The following CCDC9 variants were observed in gnomAD, a reference collection of about 807,000 sequenced individuals.
CCDC9 encodes coiled-coil domain containing 9.
A neutral mutation model predicts 65.6 loss-of-function variants in CCDC9; 52 were observed. That is an observed-to-expected ratio of 0.79 (90% CI 0.63 to 1.00). The LOEUF (loss-of-function observed/expected upper bound fraction) is 1.00. Among genes scored for constraint, CCDC9 ranks in the 50% least tolerant of loss-of-function variants. The pLI is 0.00. For missense variants in CCDC9, 834 were observed against 757.2 expected (o/e 1.10, Z -1.19); for synonymous variants, 332 against 280.3 (o/e 1.18, Z -1.84).
downstream of CCDC9, chr19:47,273,974 G>A (rs2059140706): frequency 2.0e-6 from 2 of 984,994 alleles, no homozygotes; most frequent in Non-Finnish European, 2.4e-6. Context: ...AGGCCTCCCC[G>A]AATTCCTGAA....
In CCDC9 at chr19:47,266,626, C is replaced by T. The variant is rs1349160226; in HGVS notation, c.736C>T (p.Leu246=). The T allele has an allele frequency of 8.3e-6, 13 of 1,562,738 alleles. No individual in the cohort carries two copies. The highest frequency in any genetic ancestry group is 9.5e-6 in the Non-Finnish European group (11 of 1,151,872). The change falls in exon 8 of 12, where the codon CTG becomes TTG. Residue 246 remains leucine (L), a synonymous_variant. Transcript: ENST00000221922. ...EHERQGRRAG[L]GSAGDMTLSM... ...TGGGGGGCAGGGCCGCCGAGCTGGC[C>T]TGGGCAGTGCTGGAGACATGACGTT... is the stretch of plus-strand genomic sequence containing the variant.
intron 10 of CCDC9, 131 bp from the exon 11 acceptor site, chr19:47,270,951 C>T (rs1478876197): frequency 2.6e-6 from 2 of 768,802 alleles, no homozygotes; most frequent in East Asian, 2.7e-5. Context: ...GGACACACAT[C>T]CGCCATTCCC....
intron 5 of CCDC9, among the ~76,000 whole-genome samples, chr19:47,262,533 T>C (rs1205986557): frequency 2.6e-5 from 4 of 152,084 alleles, no homozygotes; most frequent in African/African-American, 9.7e-5. Flanking sequence ...CTGTTTTTGT[T>C]GCTTGGTGGC....
intron 3 of CCDC9, among the ~76,000 whole-genome samples, chr19:47,258,882 T>A (rs142647619): frequency 1.3e-5 from 2 of 152,142 alleles, no homozygotes; most frequent in Admixed American, 6.5e-5. Flanking sequence ...CAGTGCTGAG[T>A]GGTGCTGGGG....
In CCDC9 at chr19:47,266,489, A is replaced by G. The variant is rs561534364; in HGVS notation, c.721-122A>G. The G allele has an allele frequency of 3.5e-6, 5 of 1,413,012 alleles. No homozygotes were observed. In the South Asian group the frequency reaches 7.8e-5, roughly 22 times the overall value. 87.5% of individuals were successfully genotyped at this position (1,413,012 alleles called of 1,614,324 possible). A position where few individuals can be genotyped will look rare whatever the true frequency, so the allele number is the denominator to read the frequency against. On this transcript the variant is annotated intron_variant, in intron 7 of 11. Transcript: ENST00000221922. ...AGGAGGTGCCACCTGAGCCTAGTTG[A>G]TTGTGATCTCTGCCTTGTCATCGCT...
In CCDC9 at chr19:47,265,807, C is replaced by T. The variant is rs543130253; in HGVS notation, c.721-804C>T. On this transcript the variant is annotated intron_variant, in intron 7 of 11. Coordinates refer to ENST00000221922, the MANE Select transcript of CCDC9 (RefSeq NM_015603.3). ...GGTTCACACCATTCTCCTGCCTCAG[C>T]CTCCCCAGTAGCTGGGACTAAGGTG... Among the ~76,000 whole-genome samples, 6 of 150,958 alleles carry T rather than the reference C, an allele frequency of 4.0e-5. No homozygotes were observed. In the South Asian group the frequency reaches 1.3e-3, roughly 32 times the overall value.
At chr19:47,267,365 G>A (rs186129042) in intron 8 of CCDC9, among the ~76,000 whole-genome samples, 84 of 152,232 alleles carry the variant, frequency 5.5e-4, no homozygotes, top group African/African-American at 1.9e-3. Flanking sequence ...TGCAACCTCC[G>A]CCTCCCGTGT....
downstream of CCDC9, chr19:47,275,253 A>AGCC (rs759940063): frequency 7.8e-5 from 120 of 1,538,910 alleles, no homozygotes; most frequent in African/African-American, 8.7e-4. Context: ...GCTGCCGCTG[A>AGCC]GCCGCCGCCG....
intron 5 of CCDC9, among the ~76,000 whole-genome samples, chr19:47,262,623 T>C (rs1398779967): frequency 6.6e-6 from 1 of 152,186 alleles, no homozygotes; most frequent in Non-Finnish European, 1.5e-5. Flanking sequence ...AGGGGAAAGA[T>C]AAGTCTGCTT....
chr19:47,264,765 G>C lies in CCDC9; in HGVS notation c.547-8G>C. 2 of 1,605,866 alleles carry C rather than the reference G, an allele frequency of 1.2e-6. No homozygotes were observed. The highest frequency in any genetic ancestry group is 1.7e-6 in the Non-Finnish European group (2 of 1,175,972). On this transcript the variant is annotated splice_polypyrimidine_tract_variant and splice_region_variant and intron_variant, in intron 6 of 11. Transcript: ENST00000221922. The stretch of plus-strand genomic sequence containing the variant: ...GCCCGCGCCAACCCCCTGCTCTGCT[G>C]CCTGCAGGAAGGGGTTCTTGAACCC...
chr19:47,260,999 T>TCTC (rs1263297635), intron 5 of CCDC9, among the ~76,000 whole-genome samples, 160 bp downstream of exon 5: 1 of 151,986 alleles, frequency 6.6e-6, no homozygotes, highest in African/African-American at 2.4e-5. Flanking sequence ...TCCACCTCCT[T>TCTC]CTCCTCCTCC....
intron 5 of CCDC9, among the ~76,000 whole-genome samples, 158 bp from the exon 6 acceptor site, chr19:47,264,445 A>G (rs1435207403): frequency 2.0e-5 from 3 of 152,220 alleles, no homozygotes; most frequent in Non-Finnish European, 2.9e-5. Flanking sequence ...CAGCCTCATC[A>G]GTTCACTGCT....
intron 3 of CCDC9, among the ~76,000 whole-genome samples, 157 bp downstream of exon 3, chr19:47,258,820 T>G (rs544170428): frequency 1.3e-5 from 2 of 152,354 alleles, no homozygotes; most frequent in Non-Finnish European, 2.9e-5. Context: ...ATTCCATTAT[T>G]CATTCATTCA....
chr19:47,264,385 G>A (rs1011398287), intron 5 of CCDC9, among the ~76,000 whole-genome samples: 1 of 152,214 alleles, frequency 6.6e-6, no homozygotes, highest in African/African-American at 2.4e-5. Flanking sequence ...CCAGTAGGAA[G>A]GCGAATGCAG....
At chr19:47,269,186 A>T (rs922613877) in intron 8 of CCDC9, among the ~76,000 whole-genome samples, 2 of 152,128 alleles carry the variant, frequency 1.3e-5, no homozygotes, top group African/African-American at 4.8e-5. Flanking sequence ...GTTCTAGGTG[A>T]TACAGCAGCA....
downstream of CCDC9, chr19:47,273,486 G>A (rs549028588): frequency 5.5e-5 from 44 of 807,024 alleles, no homozygotes; most frequent in East Asian, 1.3e-3. Context: ...CGCGGCCTCC[G>A]CGCTCTGCAC....
In CCDC9 at chr19:47,266,999, C is replaced by T. The variant is rs552756034; in HGVS notation, c.902+207C>T. ...TTTTTTTTTGAGACGGAGTCTCGCT[C>T]TGTCGCCCAGGCTGGAGTGCAGTGG... On this transcript the variant is annotated intron_variant, in intron 8 of 11. Transcript: ENST00000221922. Among the ~76,000 whole-genome samples, 10 of 152,158 alleles carry T rather than the reference C, an allele frequency of 6.6e-5. No individual in the cohort carries two copies. In the South Asian group the frequency reaches 2.1e-3, roughly 32 times the overall value.
At position 47,271,148 on chromosome 19, in the gene CCDC9, T is replaced by G; in HGVS notation, c.1152T>G (p.Pro384=). The change falls in exon 11 of 12, where the codon CCT becomes CCG. Residue 384 remains proline, a synonymous_variant. Transcript: ENST00000221922. ...CCCCAGCCCCTGAGACTCCACAGCC[T>G]ACTTCCCCCGAGACTTCCCCCAAGG... ...AASPAPETPQ[P]TSPETSPKET... 3 of 1,589,188 alleles carry G rather than the reference T, an allele frequency of 1.9e-6. No individual in the cohort carries two copies. In the South Asian group the frequency reaches 3.4e-5, roughly 18 times the overall value.
intron 3 of CCDC9, among the ~76,000 whole-genome samples, chr19:47,258,922 C>T (rs1048899631): frequency 1.3e-5 from 2 of 152,198 alleles, no homozygotes; most frequent in Non-Finnish European, 2.9e-5. Context: ...AGACCCAGGC[C>T]TGCCCCCTCC....
Sources: gnomAD v4.1 joint callset for allele counts (sites outside exome capture counted in the v4.1 genomes callset) on GRCh38, gnomAD v4.1.1 for gene constraint, MANE v1.5 for transcripts, NCBI Gene and HGNC (gene_info 2026-07-23, HGNC 2026-07-21) for gene names.